Variants in TNNI3K observed in about 807,000 individuals in gnomAD.
TNNI3K encodes the protein TNNI3 interacting kinase.
A neutral mutation model predicts 114.5 loss-of-function variants in TNNI3K; 140 were observed. That is an observed-to-expected ratio of 1.22 (90% confidence interval 1.07 to 1.41). TNNI3K has a LOEUF of 1.41. TNNI3K is among the 40% of genes most tolerant of loss of function. The pLI is 0.00. For synonymous variants in TNNI3K, 347 were observed against 347.5 expected (o/e 1.00, Z 0.02); for missense variants, 1,125 against 1,007.6 (o/e 1.12, Z -1.58).
chr1:74,385,840 A>G (rs1341503398), intron 17 of TNNI3K, among the ~76,000 whole-genome samples: 2 of 152,180 alleles, frequency 1.3e-5, no homozygotes, highest in Non-Finnish European at 2.9e-5. Flanking sequence ...TTAGCCAAAT[A>G]TGAAAGTGCA....
At chr1:74,519,696 A>T (rs972735111) in intron 23 of TNNI3K, among the ~76,000 whole-genome samples, 5 of 152,240 alleles carry the variant, frequency 3.3e-5, no homozygotes, top group African/African-American at 9.6e-5. Flanking sequence ...AACCCCACAG[A>T]ATATATCTTT....
At position 74,257,732 on chromosome 1, in the gene TNNI3K, G is replaced by A. The variant is rs550753874; in HGVS notation, c.333+6963G>A. 6.3e-5 allele frequency among the ~76,000 whole-genome samples: 9 copies of A among 142,996 alleles called. No homozygotes were observed. In the South Asian group the frequency reaches 1.6e-3, roughly 25 times the overall value. 93.8% of individuals were successfully genotyped at this position (142,996 alleles called of 152,430 possible). A position where few individuals can be genotyped will look rare whatever the true frequency, so the allele number is the denominator to read the frequency against. On this transcript the variant is annotated intron_variant, in intron 4 of 24. Coordinates refer to ENST00000326637, the MANE Select transcript of TNNI3K (RefSeq NM_015978.3). Reference sequence around the variant, plus strand: ...CACCCAGGCTGGAGTGCAGTGGTGCGATCTTGGCTCACTGCAAGCTCCGCC... The same window carrying A: ...CACCCAGGCTGGAGTGCAGTGGTGCAATCTTGGCTCACTGCAAGCTCCGCC...
chr1:74,330,829 A>G (rs146697983), intron 5 of TNNI3K, among the ~76,000 whole-genome samples: 2 of 152,194 alleles, frequency 1.3e-5, no homozygotes, highest in African/African-American at 4.8e-5. Context: ...TATTTATTGT[A>G]TGATTGTTAT....
intron 17 of TNNI3K, among the ~76,000 whole-genome samples, chr1:74,431,534 A>G (rs889568093): frequency 4.6e-5 from 7 of 152,142 alleles, no homozygotes; most frequent in South Asian, 2.1e-4. Context: ...CAGCAGAGAT[A>G]GTAAACTAAG....
At chr1:74,379,718 T>C (rs887587666) in intron 17 of TNNI3K, among the ~76,000 whole-genome samples, 1 of 152,110 alleles carries the variant, frequency 6.6e-6, no homozygotes, top group Non-Finnish European at 1.5e-5. Context: ...CCTCGACTAA[T>C]GCTCATAGTT....
chr1:74,367,348 C>G lies in TNNI3K; in HGVS notation c.1264+6C>G, dbSNP rs368334798. ...ATATTCTCAGCCTGGAGGAGGTACC[C>G]CTTTTCTTATTCAGTTTTCATTATT... On this transcript the variant is annotated splice_donor_region_variant and intron_variant, in intron 12 of 24. Transcript: ENST00000326637. 1 of 1,611,324 alleles carries G rather than the reference C, an allele frequency of 6.2e-7. No homozygotes were observed.
chr1:74,316,099 C>G (rs906997329), intron 5 of TNNI3K, among the ~76,000 whole-genome samples: 2 of 152,160 alleles, frequency 1.3e-5, no homozygotes, highest in Admixed American at 1.3e-4. Context: ...GTTCCAAGAT[C>G]TGTGTTCAAT....
At chr1:74,385,446 A>T (rs918657390) in intron 17 of TNNI3K, among the ~76,000 whole-genome samples, 3 of 152,196 alleles carry the variant, frequency 2.0e-5, no homozygotes, top group African/African-American at 7.2e-5. Flanking sequence ...TGAAAATCTT[A>T]GAAAGAGGTA....
chr1:74,476,963 A>G (rs1405759156), intron 21 of TNNI3K, among the ~76,000 whole-genome samples: 1 of 152,180 alleles, frequency 6.6e-6, no homozygotes, highest in East Asian at 1.9e-4. Context: ...ATAGTTTACC[A>G]TATCTTGAAC....
intron 5 of TNNI3K, among the ~76,000 whole-genome samples, chr1:74,298,028 C>CA (rs1346908323): frequency 6.6e-6 from 1 of 152,068 alleles, no homozygotes; most frequent in Non-Finnish European, 1.5e-5. Context: ...GTTTCCCTCC[C>CA]AAAATCTCAT....
chr1:74,338,413 G>A (rs1001713929), intron 7 of TNNI3K, among the ~76,000 whole-genome samples: 1 of 149,662 alleles, frequency 6.7e-6, no homozygotes, highest in African/African-American at 2.5e-5. Context: ...TCTTTTTTTC[G>A]CTTTTCCTCA....
At chr1:74,262,976 C>T (rs1010664254) in intron 4 of TNNI3K, among the ~76,000 whole-genome samples, 2 of 151,980 alleles carry the variant, frequency 1.3e-5, no homozygotes, top group African/African-American at 4.8e-5. Flanking sequence ...TTATATCTTC[C>T]TCTATATTAG....
chr1:74,437,569 G>A (rs1301977434), intron 19 of TNNI3K, among the ~76,000 whole-genome samples: 1 of 151,764 alleles, frequency 6.6e-6, no homozygotes, highest in African/African-American at 2.4e-5. Flanking sequence ...ATGCAGGTGG[G>A]GGCAATAGTA....
intron 21 of TNNI3K, chr1:74,475,592 C>A (rs1668162497): frequency 4.2e-6 from 3 of 717,310 alleles, no homozygotes; most frequent in African/African-American, 1.7e-5. Context: ...AGTGGCATTT[C>A]TTTTCTGGAC....
At chr1:74,456,473 C>G (rs1667230208) in intron 20 of TNNI3K, among the ~76,000 whole-genome samples, 1 of 152,122 alleles carries the variant, frequency 6.6e-6, no homozygotes, top group African/African-American at 2.4e-5. Context: ...CACCTGCTTC[C>G]CAGATTTCAT....
chr1:74,316,876 T>C (rs1410686786), intron 5 of TNNI3K, among the ~76,000 whole-genome samples: 1 of 150,620 alleles, frequency 6.6e-6, no homozygotes, highest in Non-Finnish European at 1.5e-5. Flanking sequence ...TTTTTTTGTA[T>C]TTTTAGTAGA....
intron 2 of TNNI3K, among the ~76,000 whole-genome samples, chr1:74,247,206 G>C (rs753812418): frequency 2.6e-5 from 4 of 152,048 alleles, no homozygotes; most frequent in African/African-American, 4.8e-5. Context: ...TGGTGGGTTT[G>C]TGGTCTGCTG....
intron 23 of TNNI3K, among the ~76,000 whole-genome samples, chr1:74,502,623 C>T (rs555153797): frequency 4.6e-5 from 7 of 152,288 alleles, no homozygotes; most frequent in African/African-American, 1.7e-4. Context: ...TGAACTACCT[C>T]GCACTTAAAC....
intron 5 of TNNI3K, among the ~76,000 whole-genome samples, chr1:74,306,230 A>G (rs548246313): frequency 6.6e-6 from 1 of 152,314 alleles, no homozygotes; most frequent in East Asian, 1.9e-4. Context: ...CTGGCCATGT[A>G]ATATTCCATG....
Sources: gnomAD v4.1 joint callset for allele counts (sites outside exome capture counted in the v4.1 genomes callset) on GRCh38, gnomAD v4.1.1 for gene constraint, MANE v1.5 for transcripts, NCBI Gene and HGNC (gene_info 2026-07-23, HGNC 2026-07-21) for gene names.